The following SLC35F3 variants were observed in gnomAD, a reference collection of about 807,000 sequenced individuals.
SLC35F3 encodes solute carrier family 35 member F3.
A neutral mutation model predicts 49.9 loss-of-function variants in SLC35F3; 25 were observed. The ratio of observed to expected loss-of-function variants is 0.50; its 90% CI spans 0.37 to 0.70. The LOEUF (loss-of-function observed/expected upper bound fraction) is 0.70, where lower values mean the gene tolerates loss of function less well. Ranked by LOEUF, SLC35F3 falls within the 30% of genes least tolerant of loss-of-function variation. The pLI, the probability that SLC35F3 is intolerant of heterozygous loss-of-function variation, is 0.00. For synonymous variants in SLC35F3, 275 were observed against 265.4 expected, an observed-to-expected ratio of 1.04 and a Z score of -0.35; for missense variants, 525 against 639.8, an observed-to-expected ratio of 0.82 and a Z score of 1.94.
chr1:233,905,476 T>G, intron 1 of SLC35F3, 53 bp from the exon 2 acceptor site: 1 of 1,342,480 alleles, frequency 7.4e-7, no homozygotes, highest in Non-Finnish European at 1.0e-6. Context: ...TCCCCTCCTC[T>G]CTGTCCATGC....
At chr1:234,104,115 C>T (rs1665250131) in intron 2 of SLC35F3, among the ~76,000 whole-genome samples, 1 of 152,172 alleles carries the variant, frequency 6.6e-6, no homozygotes, top group African/African-American at 2.4e-5. Context: ...CCATAATTGG[C>T]ACCAGCATAT....
intron 2 of SLC35F3, among the ~76,000 whole-genome samples, chr1:233,969,409 C>G (rs887736127): frequency 1.2e-4 from 18 of 152,206 alleles, no homozygotes; most frequent in African/African-American, 4.3e-4. Context: ...GGTGCCTCCT[C>G]ATCTTAGCGC....
At chr1:234,303,602 A>T (rs1253980754) in intron 3 of SLC35F3, among the ~76,000 whole-genome samples, 3 of 152,196 alleles carry the variant, frequency 2.0e-5, no homozygotes, top group Non-Finnish European at 2.9e-5. Flanking sequence ...TTTGATTGAT[A>T]ATTGATTGGT....
At chr1:233,978,805 G>T (rs1053125573) in intron 2 of SLC35F3, among the ~76,000 whole-genome samples, 1 of 152,098 alleles carries the variant, frequency 6.6e-6, no homozygotes, top group South Asian at 2.1e-4. Context: ...CGAGGCGGGC[G>T]GATCACCTGA....
intron 2 of SLC35F3, among the ~76,000 whole-genome samples, chr1:233,918,973 C>T (rs1319158227): frequency 5.3e-5 from 8 of 152,008 alleles, no homozygotes; most frequent in Admixed American, 5.2e-4. Context: ...CAAAAGTACA[C>T]ACAGATACAT....
intron 3 of SLC35F3, among the ~76,000 whole-genome samples, chr1:234,244,352 C>T (rs576471263): frequency 1.9e-4 from 29 of 152,210 alleles, no homozygotes; most frequent in African/African-American, 4.6e-4. Flanking sequence ...GCACAGTGCC[C>T]GGTGGGGTGC....
chr1:234,065,152 C>CT (rs200485956), intron 2 of SLC35F3, among the ~76,000 whole-genome samples: 16,531 of 145,986 alleles, frequency 0.11, 1,325 homozygotes, highest in East Asian at 0.25. Flanking sequence ...TGATCAAACA[C>CT]TTTTTTTTTT....
intron 2 of SLC35F3, among the ~76,000 whole-genome samples, chr1:233,969,402 G>A (rs1187074410): frequency 1.3e-5 from 2 of 152,202 alleles, no homozygotes; most frequent in African/African-American, 4.8e-5. Flanking sequence ...CATCTGCGGT[G>A]CCTCCTCATC....
intron 3 of SLC35F3, among the ~76,000 whole-genome samples, chr1:234,301,878 T>C (rs912679515): frequency 7.9e-5 from 12 of 152,186 alleles, no homozygotes; most frequent in African/African-American, 2.4e-4. Flanking sequence ...AATAAGAACA[T>C]GTCCTTTGCA....
chr1:234,082,993 T>C (rs184149896), intron 2 of SLC35F3, among the ~76,000 whole-genome samples: 31 of 152,348 alleles, frequency 2.0e-4, no homozygotes, highest in Middle Eastern at 3.4e-3. Flanking sequence ...CTGTGAGCTA[T>C]GCAACCTTTG....
chr1:234,001,026 A>G (rs1256131916), intron 2 of SLC35F3, among the ~76,000 whole-genome samples: 1 of 152,224 alleles, frequency 6.6e-6, no homozygotes, highest in Non-Finnish European at 1.5e-5. Flanking sequence ...TGATCCGTAC[A>G]GATGTCAGCT....
At chr1:234,184,252 C>G (rs758546198) in intron 2 of SLC35F3, among the ~76,000 whole-genome samples, 8 of 151,922 alleles carry the variant, frequency 5.3e-5, no homozygotes, top group Non-Finnish European at 1.0e-4. Flanking sequence ...TACATTGCGA[C>G]TTTTCTTCTT....
chr1:234,113,391 T>G (rs571438620), intron 2 of SLC35F3, among the ~76,000 whole-genome samples: 3 of 152,348 alleles, frequency 2.0e-5, no homozygotes, highest in East Asian at 3.9e-4. Flanking sequence ...AGGCTAATAC[T>G]TATTTTCTCT....
chr1:234,118,984 G>C (rs1413311594), intron 2 of SLC35F3, among the ~76,000 whole-genome samples: 1 of 150,808 alleles, frequency 6.6e-6, no homozygotes, highest in African/African-American at 2.4e-5. Context: ...AAATCATTCT[G>C]TATTAGTTGG....
At chr1:233,942,094 G>A (rs976136950) in intron 2 of SLC35F3, among the ~76,000 whole-genome samples, 5 of 151,552 alleles carry the variant, frequency 3.3e-5, no homozygotes, top group Admixed American at 6.6e-5. Flanking sequence ...CCAAGTAGCC[G>A]GGATTACAGG....
intron 3 of SLC35F3, among the ~76,000 whole-genome samples, chr1:234,282,964 G>C (rs1668352798): frequency 6.6e-6 from 1 of 152,202 alleles, no homozygotes; most frequent in Non-Finnish European, 1.5e-5. Flanking sequence ...AGAGAACCTG[G>C]AGAACTAGAT....
At chr1:234,114,668 G>T (rs2102889603) in intron 2 of SLC35F3, among the ~76,000 whole-genome samples, 1 of 152,320 alleles carries the variant, frequency 6.6e-6, no homozygotes, top group African/African-American at 2.4e-5. Context: ...TAGCTCAGAA[G>T]AAGAAATTTT....
chr1:233,960,585 T>G (rs1662783029), intron 2 of SLC35F3, among the ~76,000 whole-genome samples: 1 of 152,200 alleles, frequency 6.6e-6, no homozygotes, highest in Non-Finnish European at 1.5e-5. Context: ...TCCCAGCCCA[T>G]GCAGCTGTTG....
At chr1:234,065,105 T>C (rs1205110776) in intron 2 of SLC35F3, among the ~76,000 whole-genome samples, 4 of 151,946 alleles carry the variant, frequency 2.6e-5, no homozygotes, top group Non-Finnish European at 5.9e-5. Context: ...GTTCTAAGTG[T>C]GGAAAGGGAG....
Sources: allele counts gnomAD v4.1 joint callset (sites outside exome capture counted in the v4.1 genomes callset), GRCh38; gene constraint gnomAD v4.1.1; transcripts MANE v1.5; gene names NCBI Gene and HGNC (gene_info 2026-07-23, HGNC 2026-07-21).